C3orf22: variants seen among roughly 807,000 people sequenced by gnomAD.
C3orf22 encodes the protein chromosome 3 open reading frame 22.
A neutral mutation model predicts 10.8 loss-of-function variants in C3orf22; 7 were observed. That is an observed-to-expected ratio of 0.65 (90% confidence interval 0.37 to 1.22). The LOEUF is 1.22. C3orf22 is among the 50% of genes most tolerant of loss of function. The probability of loss-of-function intolerance (pLI) is 0.02; values close to 1 mark genes in which losing one functional copy is unlikely to be tolerated. For synonymous variants in C3orf22, 79 were observed against 78.9 expected (o/e 1.00, Z 0.00); for missense variants, 173 against 177.0 (o/e 0.98, Z 0.13).
intron 1 of C3orf22, 59 bp from the exon 2 acceptor site, chr3:126,553,489 T>G (rs1937253793): frequency 5.3e-6 from 6 of 1,123,552 alleles, no homozygotes; most frequent in Non-Finnish European, 8.0e-6. Flanking sequence ...GAAGGCAGAG[T>G]GATGAGTACC....
chr3:126,536,359 T>C (rs777280426), intron 4 of C3orf22: 1 of 1,611,510 alleles, frequency 6.2e-7, no homozygotes, highest in African/African-American at 1.3e-5. Flanking sequence ...ATCAGGTAGG[T>C]GGACAGACCC....
chr3:126,546,389 T>G (rs1040638858), downstream of C3orf22, among the ~76,000 whole-genome samples: 1 of 152,200 alleles, frequency 6.6e-6, no homozygotes. Flanking sequence ...TGCTGTGGAC[T>G]GAATTATGTT....
chr3:126,544,896 T>C (rs1937040811), downstream of C3orf22, among the ~76,000 whole-genome samples: 1 of 152,212 alleles, frequency 6.6e-6, no homozygotes, highest in African/African-American at 2.4e-5. Flanking sequence ...TACCCTCTGC[T>C]GTATGTGCAG....
At chr3:126,546,780 G>C (rs989601502), downstream of C3orf22, among the ~76,000 whole-genome samples, 1 of 152,112 alleles carries the variant, frequency 6.6e-6, no homozygotes, top group African/African-American at 2.4e-5. Flanking sequence ...CAGCTCAAGG[G>C]TACATTCCTT....
rs778895015 is a variant in C3orf22, at chr3:126,542,517, T to C, written c.286+7020A>G. 2.6e-6 allele frequency: 4 copies of C among 1,551,186 alleles called. No homozygotes were observed. Among genetic ancestry groups the C allele is most frequent in the Non-Finnish European group, 3.5e-6 (4 of 1,155,208 alleles). ...TTCTACCAGCGGCGCCTCTTCGACCTCTACAAGATGGACTTCCTGCTTTTC... is the reference window on the plus strand; with the variant it reads ...TTCTACCAGCGGCGCCTCTTCGACCCCTACAAGATGGACTTCCTGCTTTTC... On this transcript the variant is annotated intron_variant and NMD_transcript_variant, in intron 4 of 5. Transcript: ENST00000505070.
At chr3:126,557,020 AAACT>A (rs1249362551) in intron 1 of C3orf22, among the ~76,000 whole-genome samples, 1 of 150,976 alleles carries the variant, frequency 6.6e-6, no homozygotes, top group African/African-American at 2.4e-5. Flanking sequence ...AGACCCACAC[AAACT>A]CACATACACA....
At chr3:126,533,952 T>G (rs1936711195) in intron 4 of C3orf22, among the ~76,000 whole-genome samples, 1 of 152,196 alleles carries the variant, frequency 6.6e-6, no homozygotes, top group African/African-American at 2.4e-5. Context: ...TTTCAAGAAT[T>G]TCTGTCTTTC....
chr3:126,539,045 C>T (rs944362458), intron 4 of C3orf22, among the ~76,000 whole-genome samples: 1 of 152,154 alleles, frequency 6.6e-6, no homozygotes, highest in African/African-American at 2.4e-5. Flanking sequence ...CGTGTGCTTA[C>T]AGTAACTTCT....
At chr3:126,542,198 G>A (rs775094513) in intron 4 of C3orf22, 4 of 1,444,216 alleles carry the variant, frequency 2.8e-6, no homozygotes, top group Middle Eastern at 1.9e-4. Context: ...GCTCCCCGAC[G>A]CCCGGGCCCG....
intron 4 of C3orf22, among the ~76,000 whole-genome samples, chr3:126,538,908 C>T (rs1407838772): frequency 6.6e-6 from 1 of 152,154 alleles, no homozygotes; most frequent in Non-Finnish European, 1.5e-5. Context: ...GCATTTGACA[C>T]TACAGAAGGG....
At chr3:126,538,811 G>C (rs1036147064) in intron 4 of C3orf22, among the ~76,000 whole-genome samples, 1 of 152,192 alleles carries the variant, frequency 6.6e-6, no homozygotes, top group Non-Finnish European at 1.5e-5. Context: ...GTGGCTAAGT[G>C]ACTGTCTTAT....
At position 126,541,763 on chromosome 3, in the gene C3orf22, C is replaced by A. The variant is rs777682935; in HGVS notation, c.286+7774G>T. ...GCGCTCGACCCTGGCGAAGGTGCAC[C>A]GGCAGCGGCGCGACCTGCTGAACAG... On this transcript the variant is annotated intron_variant and NMD_transcript_variant, in intron 4 of 5. Transcript: ENST00000505070. The A allele has an allele frequency of 2.6e-6, 4 of 1,510,938 alleles. No individual in the cohort carries two copies. In the South Asian group the frequency reaches 5.0e-5, roughly 19 times the overall value. The allele number at this position is 1,510,938 out of a possible 1,614,324, so 93.6% of individuals were successfully genotyped here.
chr3:126,540,218 T>C (rs924875393), intron 4 of C3orf22, among the ~76,000 whole-genome samples: 3 of 152,180 alleles, frequency 2.0e-5, no homozygotes, highest in African/African-American at 7.2e-5. Flanking sequence ...AAGCCTTTTT[T>C]CTTAACTGAG....
intron 5 of C3orf22, chr3:126,529,131 C>T (rs1936595717): frequency 5.6e-6 from 2 of 355,850 alleles, no homozygotes; most frequent in South Asian, 2.3e-5. Flanking sequence ...TGTGCCCTCA[C>T]CCTGCACAGG....
At chr3:126,539,486 CAT>C (rs146851428) in intron 4 of C3orf22, among the ~76,000 whole-genome samples, 12,753 of 146,754 alleles carry the variant, frequency 0.087, 646 homozygotes, top group Non-Finnish European at 0.12. Context: ...CACACACACA[CAT>C]ATGTACCCCA....
downstream of C3orf22, among the ~76,000 whole-genome samples, chr3:126,548,386 A>T (rs1343512805): frequency 6.6e-6 from 1 of 152,204 alleles, no homozygotes; most frequent in Non-Finnish European, 1.5e-5. Context: ...TGGGGGAAGG[A>T]GCACCCAGCA....
intron 4 of C3orf22, among the ~76,000 whole-genome samples, chr3:126,538,747 G>C (rs918732660): frequency 6.6e-6 from 1 of 152,184 alleles, no homozygotes; most frequent in African/African-American, 2.4e-5. Context: ...GGTCTCCCAG[G>C]TGTCCCCATA....
intron 1 of C3orf22, among the ~76,000 whole-genome samples, chr3:126,556,926 ACACATACACACT>A (rs1054102829): frequency 4.8e-5 from 6 of 125,580 alleles, no homozygotes; most frequent in South Asian, 4.5e-4. Flanking sequence ...ACACACACAG[ACACATACACACT>A]CACACACTCA....
At chr3:126,557,361 C>T (rs537819812) in intron 1 of C3orf22, among the ~76,000 whole-genome samples, 2 of 152,344 alleles carry the variant, frequency 1.3e-5, no homozygotes, top group East Asian at 1.9e-4. Context: ...ATTCAAAATC[C>T]GATGATGTCT....
Sources: allele counts gnomAD v4.1 joint callset (sites outside exome capture counted in the v4.1 genomes callset), GRCh38; gene constraint gnomAD v4.1.1; transcripts MANE v1.5; gene names NCBI Gene and HGNC (gene_info 2026-07-23, HGNC 2026-07-21).